Variants in FGF9 observed in about 807,000 individuals in gnomAD.
FGF9 encodes fibroblast growth factor 9, also known as fibroblast growth factor 9 (glia-activating factor).
Under a neutral mutation model 19.9 loss-of-function variants are expected in FGF9, and 3 were observed. The ratio of observed to expected loss-of-function variants is 0.15; its 90% CI spans 0.07 to 0.39. FGF9 has a LOEUF of 0.39. Among genes scored for constraint, FGF9 ranks in the 10% least tolerant of loss-of-function variants. The pLI, the probability that FGF9 is intolerant of heterozygous loss-of-function variation, is 1.00. For synonymous variants in FGF9, 107 were observed against 106.9 expected, an observed-to-expected ratio of 1.00 and a Z score of -0.01; for missense variants, 175 against 256.8, an observed-to-expected ratio of 0.68 and a Z score of 2.18.
chr13:21,680,501 A>G (rs1872017954), intron 1 of FGF9, among the ~76,000 whole-genome samples: 1 of 151,714 alleles, frequency 6.6e-6, no homozygotes, highest in Admixed American at 6.6e-5. Context: ...TCCCAGTTCT[A>G]AAGGCTGGGA....
In FGF9 at chr13:21,672,381, T is replaced by A. The variant is rs914274730; in HGVS notation, c.277+192T>A. ...AATGCCTCCGGAATTGCAGATCTGCTGCTGGCACTGATGCAAGTATACACT... is the reference window on the plus strand; with the variant it reads ...AATGCCTCCGGAATTGCAGATCTGCAGCTGGCACTGATGCAAGTATACACT... On this transcript the variant is annotated intron_variant, in intron 1 of 2. Transcript: ENST00000382353. The surrounding 1 kb of genome is among the most constrained non-coding windows in gnomAD (Gnocchi z 4.2). Among the ~76,000 whole-genome samples, 1 of 152,176 alleles carries A rather than the reference T, an allele frequency of 6.6e-6. No homozygotes were observed.
intron 1 of FGF9, among the ~76,000 whole-genome samples, chr13:21,676,080 T>A (rs1425345728): frequency 1.3e-5 from 2 of 152,180 alleles, no homozygotes; most frequent in Admixed American, 1.3e-4. Flanking sequence ...AGCTCACTTT[T>A]AAAGCACTCC....
intron 2 of FGF9, among the ~76,000 whole-genome samples, chr13:21,682,931 G>A (rs1018164471): frequency 5.3e-5 from 8 of 151,942 alleles, no homozygotes; most frequent in African/African-American, 1.7e-4. Flanking sequence ...ATTTGAGTAT[G>A]CATCTCAAAT....
intron 2 of FGF9, among the ~76,000 whole-genome samples, chr13:21,697,489 G>C (rs1872435569): frequency 6.6e-6 from 1 of 152,128 alleles, no homozygotes; most frequent in Admixed American, 6.5e-5. Context: ...TATTTTCTGA[G>C]TTATGTGTGT....
chr13:21,680,568 A>T (rs1872019533), intron 1 of FGF9, among the ~76,000 whole-genome samples: 1 of 152,172 alleles, frequency 6.6e-6, no homozygotes, highest in Non-Finnish European at 1.5e-5. Context: ...ATAAAGTGGA[A>T]ATAGGTTGTC....
chr13:21,679,731 G>A (rs1871995623), intron 1 of FGF9, among the ~76,000 whole-genome samples: 1 of 142,424 alleles, frequency 7.0e-6, no homozygotes. Context: ...GAGGTCAGGA[G>A]ATTGAGACCA....
chr13:21,674,713 T>C (rs1270513432), intron 1 of FGF9, among the ~76,000 whole-genome samples: 2 of 151,998 alleles, frequency 1.3e-5, no homozygotes, highest in African/African-American at 4.8e-5. Flanking sequence ...GAGCATTTTT[T>C]TTTTTTGATG....
At chr13:21,681,224 G>A in intron 2 of FGF9, 79 bp downstream of exon 2, 1 of 1,069,456 alleles carries the variant, frequency 9.4e-7, no homozygotes, top group East Asian at 2.4e-5. Flanking sequence ...ATTAAAAAGG[G>A]CCAGAAATGC....
chr13:21,680,921 G>A (rs957846783), intron 1 of FGF9, 121 bp from the exon 2 acceptor site: 60 of 717,240 alleles, frequency 8.4e-5, no homozygotes, highest in Middle Eastern at 3.7e-4. Flanking sequence ...TTTAACTAGC[G>A]TGGGGTTATC....
intron 2 of FGF9, among the ~76,000 whole-genome samples, chr13:21,697,743 C>T (rs1872441949): frequency 6.6e-6 from 1 of 151,996 alleles, no homozygotes; most frequent in Non-Finnish European, 1.5e-5. Flanking sequence ...GCCCTCTCCA[C>T]TCATTCCTCC....
chr13:21,671,772 G>T lies in FGF9; in HGVS notation c.-141G>T, dbSNP rs375766140. 321 of 940,238 alleles carry T rather than the reference G, an allele frequency of 3.4e-4. 4 individuals are homozygous for T. The South Asian group carries it at 4.4e-3, about 13-fold the overall frequency. 58.2% of individuals were successfully genotyped at this position (940,238 alleles called of 1,614,324 possible). A position where few individuals can be genotyped will look rare whatever the true frequency, so the allele number is the denominator to read the frequency against. On this transcript the variant is annotated 5_prime_UTR_variant, in exon 1 of 3. Coordinates refer to ENST00000382353, the MANE Select transcript of FGF9 (RefSeq NM_002010.3). ...ATTACTTTTATTTATGCATTTAATG[G>T]ATTGAAGAAAAGAACCTTTTTTTTC...
At chr13:21,675,499 G>A (rs1871892858) in intron 1 of FGF9, among the ~76,000 whole-genome samples, 1 of 151,960 alleles carries the variant, frequency 6.6e-6, no homozygotes. Context: ...CAGGCGCCGG[G>A]AGGGGGCGAG....
rs1565954930 is a variant in FGF9, at chr13:21,701,484, G to C, written c.*49G>C. 6.2e-7 allele frequency: 1 copy of C among 1,612,964 alleles called. No homozygotes were observed. The highest frequency in any genetic ancestry group is 1.3e-5 in the African/African-American group (1 of 74,880). ...CCCTTAAAAAAGTAACCACTATAAAGGTTTCACGCGGTGGGTTCTTATTGA... is the reference window on the plus strand; with the variant it reads ...CCCTTAAAAAAGTAACCACTATAAACGTTTCACGCGGTGGGTTCTTATTGA... On this transcript the variant is annotated 3_prime_UTR_variant, in exon 3 of 3. Coordinates refer to ENST00000382353, the MANE Select transcript of FGF9 (RefSeq NM_002010.3).
chr13:21,671,960 G>T lies in FGF9; in HGVS notation c.48G>T (p.Ala16=), dbSNP rs768992823. 4.2e-5 allele frequency: 68 copies of T among 1,614,088 alleles called. No homozygotes were observed. The highest frequency in any genetic ancestry group is 5.7e-5 in the Non-Finnish European group (67 of 1,180,048). The change falls in exon 1 of 3, where the codon GCG becomes GCT. Residue 16 remains alanine (A), a synonymous_variant. Coordinates refer to ENST00000382353, the MANE Select transcript of FGF9 (RefSeq NM_002010.3). ...GGAACTATTTCGGTGTGCAGGATGC[G>T]GTACCGTTTGGGAATGTGCCCGTGT... ...EVGNYFGVQD[A]VPFGNVPVLP... is the part of the protein sequence containing the mutation.
Position 21,703,786 on chromosome 13 carries a change from G to A in FGF9, c.*2351G>A, listed in dbSNP as rs1266691745. 3 of 151,826 alleles carry A rather than the reference G, an allele frequency of 2.0e-5. No individual in the cohort carries two copies. The highest frequency in any genetic ancestry group is 2.1e-4 in the South Asian group (1 of 4,812). 9.4% of individuals were successfully genotyped at this position (151,826 alleles called of 1,614,324 possible). The stretch of plus-strand genomic sequence containing the variant: ...AAGTAGCATGAGACCTTAGATAATC[G>A]ACCTAAAAGAAAGAAAATTGTGAAA... On this transcript the variant is annotated 3_prime_UTR_variant, in exon 3 of 3. Transcript: ENST00000382353.
rs1196708954 is a variant in FGF9 at position 21,691,652 on chromosome 13, A to G, written c.382-9538A>G. The stretch of plus-strand genomic sequence containing the variant: ...CGTCCTGGCCCGAGAGATGCCCTCC[A>G]TCCTTACAAAGTGGAGTGGGAACCA... On this transcript the variant is annotated intron_variant, in intron 2 of 2. Coordinates refer to ENST00000382353, the MANE Select transcript of FGF9 (RefSeq NM_002010.3). This position sits in a 1 kb window ranked among gnomAD's most constrained non-coding sequence, Gnocchi z 4.2. Among the ~76,000 whole-genome samples, 1 of 152,188 alleles carries G rather than the reference A, an allele frequency of 6.6e-6. No homozygotes were observed. Among genetic ancestry groups the G allele is most frequent in the African/African-American group, 2.4e-5 (1 of 41,456 alleles).
At position 21,691,643 on chromosome 13, in the gene FGF9, A is replaced by T. The variant is rs1321316027; in HGVS notation, c.382-9547A>T. Among the ~76,000 whole-genome samples, 2 of 152,162 alleles carry T rather than the reference A, an allele frequency of 1.3e-5. No individual in the cohort carries two copies. The highest frequency in any genetic ancestry group is 2.9e-5 in the Non-Finnish European group (2 of 68,034). On this transcript the variant is annotated intron_variant, in intron 2 of 2. Transcript: ENST00000382353. The surrounding 1 kb of genome is among the most constrained non-coding windows in gnomAD (Gnocchi z 4.2). ...GTCGTTCAGCGTCCTGGCCCGAGAGATGCCCTCCATCCTTACAAAGTGGAG... is the reference window on the plus strand; with the variant it reads ...GTCGTTCAGCGTCCTGGCCCGAGAGTTGCCCTCCATCCTTACAAAGTGGAG...
chr13:21,685,018 A>C (rs962472245), intron 2 of FGF9, among the ~76,000 whole-genome samples: 1 of 152,194 alleles, frequency 6.6e-6, no homozygotes, highest in South Asian at 2.1e-4. Flanking sequence ...TGTGGTTATC[A>C]TGCCTCGTGT....
At chr13:21,681,228 GAAATGC>G in intron 2 of FGF9, 83 bp downstream of exon 2, 1 of 1,024,714 alleles carries the variant, frequency 9.8e-7, no homozygotes, top group Non-Finnish European at 1.5e-6. Flanking sequence ...AAAAGGGCCA[GAAATGC>G]AACTGAGTCT....
Sources: allele counts gnomAD v4.1 joint callset (sites outside exome capture counted in the v4.1 genomes callset), GRCh38; gene constraint gnomAD v4.1.1; non-coding constraint Gnocchi (gnomAD v3.1); transcripts MANE v1.5; gene names NCBI Gene and HGNC (gene_info 2026-07-23, HGNC 2026-07-21).